The following DNAH14 variants were observed in gnomAD, a reference collection of about 807,000 sequenced individuals.
The protein encoded by DNAH14 is dynein axonemal heavy chain 14, also known as axonemal beta dynein heavy chain 14.
Under a neutral mutation model 520.9 loss-of-function variants are expected in DNAH14, and 478 were observed. The ratio of observed to expected loss-of-function variants is 0.92; its 90% CI spans 0.85 to 0.99. DNAH14 has a LOEUF of 0.99. DNAH14 is among the 50% of genes least tolerant of loss of function. The pLI is 0.00. For missense variants in DNAH14, 4,831 were observed against 5,234.5 expected (o/e 0.92, Z 2.38); for synonymous variants, 1,581 against 1,757.2 (o/e 0.90, Z 2.51).
At chr1:224,992,966 C>T (rs188854567) in intron 8 of DNAH14, among the ~76,000 whole-genome samples, 47 of 152,052 alleles carry the variant, frequency 3.1e-4, no homozygotes, top group Admixed American at 2.2e-3. Flanking sequence ...GATGATCATA[C>T]GATTTTTGTC....
At chr1:225,298,240 T>C (rs1011450996) in intron 55 of DNAH14, among the ~76,000 whole-genome samples, 62 of 151,750 alleles carry the variant, frequency 4.1e-4, no homozygotes, top group African/African-American at 1.4e-3. Flanking sequence ...GACCTGACTG[T>C]GGGCACAGAG....
At chr1:225,181,703 GA>G (rs2084025071) in intron 36 of DNAH14, among the ~76,000 whole-genome samples, 1 of 151,912 alleles carries the variant, frequency 6.6e-6, no homozygotes, top group African/African-American at 2.4e-5. Context: ...TTTGCTTGTT[GA>G]ATTCTTTAAG....
At chr1:225,339,791 G>A (rs1259845951) in intron 68 of DNAH14, among the ~76,000 whole-genome samples, 1 of 152,142 alleles carries the variant, frequency 6.6e-6, no homozygotes, top group African/African-American at 2.4e-5. Flanking sequence ...AAAGTGGAAT[G>A]AAGTATTGTC....
chr1:225,380,936 G>T lies in DNAH14; in HGVS notation c.12881-447G>T, dbSNP rs908534648. 2.0e-5 allele frequency among the ~76,000 whole-genome samples: 3 copies of T among 152,160 alleles called. No homozygotes were observed. In the East Asian group the frequency reaches 5.8e-4, roughly 29 times the overall value. ...CTCAATCAAAGGTCAGCAAATTAGG[G>T]CTCGCAGGCCAAATCCAGCCCACCA... is the stretch of plus-strand genomic sequence containing the variant. On this transcript the variant is annotated intron_variant, in intron 80 of 85. Coordinates refer to ENST00000682510, the MANE Select transcript of DNAH14 (RefSeq NM_001367479.1).
In DNAH14 at chr1:225,272,971, T is replaced by C. The variant is rs1337087609; in HGVS notation, c.7856T>C (p.Leu2619Pro). Residue 2619 changes from leucine (L) to proline (P), a missense_variant, in exon 52 of 86, where the codon CTG becomes CCG. Leu to Pro is a moderately conservative substitution (Grantham distance 98, BLOSUM62 -3). Transcript: ENST00000682510. The part of the protein sequence containing the change: ...RDMFKLLLGL[L>P]QADRTVVNSK... ...CCCTAACAGCTTCTCCTAGGATTGC[T>C]GCAAGCTGACAGGACTGTTGTTAAC... is the stretch of plus-strand genomic sequence containing the variant. 6.5e-7 allele frequency: 1 copy of C among 1,538,294 alleles called. No individual in the cohort carries two copies. The highest frequency in any genetic ancestry group is 8.7e-7 in the Non-Finnish European group (1 of 1,143,620).
At chr1:225,177,435 A>C (rs758255220) in intron 36 of DNAH14, among the ~76,000 whole-genome samples, 12 of 152,232 alleles carry the variant, frequency 7.9e-5, no homozygotes, top group Non-Finnish European at 1.6e-4. Context: ...AGAAATTTGC[A>C]TAAGTAATGA....
At chr1:225,229,279 A>G (rs1244736214) in intron 41 of DNAH14, among the ~76,000 whole-genome samples, 1 of 152,058 alleles carries the variant, frequency 6.6e-6, no homozygotes, top group African/African-American at 2.4e-5. Flanking sequence ...GCAATGCTGG[A>G]GAGGATGTGG....
At chr1:225,125,475 A>G (rs1481260097) in intron 27 of DNAH14, among the ~76,000 whole-genome samples, 1 of 152,206 alleles carries the variant, frequency 6.6e-6, no homozygotes, top group African/African-American at 2.4e-5. Context: ...TTGCACTTTT[A>G]CATTACTGAG....
chr1:225,051,681 C>G lies in DNAH14; in HGVS notation c.2310C>G (p.Asn770Lys). Residue 770 changes from asparagine to lysine, a missense_variant, in exon 17 of 86, where the codon AAC becomes AAG. Transcript: ENST00000682510. ...MAIEKRIGIF[N>K]VVSLDYQSEC... The stretch of plus-strand genomic sequence containing the variant: ...TTGAGAAGCGTATTGGTATTTTCAA[C>G]GTTGTAAGTCTTGATTATCAATCAG... 6.4e-7 allele frequency: 1 copy of G among 1,550,864 alleles called. No homozygotes were observed. The highest frequency in any genetic ancestry group is 1.2e-5 in the South Asian group (1 of 83,998).
chr1:224,940,348 G>A (rs944274500), intron 1 of DNAH14, among the ~76,000 whole-genome samples: 3 of 152,162 alleles, frequency 2.0e-5, no homozygotes, highest in African/African-American at 7.2e-5. Context: ...TTTAAAAAGA[G>A]GAGAAATAGA....
At chr1:225,255,883 A>G (rs1221032643) in intron 44 of DNAH14, among the ~76,000 whole-genome samples, 1 of 152,200 alleles carries the variant, frequency 6.6e-6, no homozygotes, top group Non-Finnish European at 1.5e-5. Flanking sequence ...ACACAATTTG[A>G]AAAAGAACCA....
chr1:225,079,294 T>G lies in DNAH14; in HGVS notation c.2512T>G (p.Ser838Ala). 1 of 1,549,504 alleles carries G rather than the reference T, an allele frequency of 6.5e-7. No individual in the cohort carries two copies. The highest frequency in any genetic ancestry group is 8.7e-7 in the Non-Finnish European group (1 of 1,146,474). ...LEHFIFLNAI[S>A]SKISKLEKEF... The stretch of plus-strand genomic sequence containing the variant: ...GCATTTTATTTTTTTGAATGCAATT[T>G]CCTCAAAAATATCTAAATTAGAAAA... Residue 838 changes from serine (S) to alanine (A), a missense_variant, in exon 18 of 86, where the codon TCC (serine) becomes GCC (alanine). Coordinates refer to ENST00000682510, the MANE Select transcript of DNAH14 (RefSeq NM_001367479.1).
Position 224,952,775 on chromosome 1 carries a change from C to T in DNAH14, c.73C>T (p.Pro25Ser). 6.3e-7 allele frequency: 1 copy of T among 1,592,580 alleles called. No homozygotes were observed. Among genetic ancestry groups the T allele is most frequent in the Non-Finnish European group, 8.6e-7 (1 of 1,168,618 alleles). The stretch of plus-strand genomic sequence containing the variant: ...GGACAAGGAGGAAACCAAGACAAAA[C>T]CAAGGTAAAAGTAAGATAAAATATA... ...EMDKEETKTK[P>S]RLLRYEEKKY... The change falls in exon 2 of 86, where the codon CCA (proline) becomes TCA (serine). Residue 25 changes from proline to serine, a missense_variant. Physicochemically the swap from Pro to Ser is moderately conservative, Grantham distance 74. Transcript: ENST00000682510.
At chr1:225,317,644 G>C (rs981787157) in intron 60 of DNAH14, among the ~76,000 whole-genome samples, 6 of 152,000 alleles carry the variant, frequency 3.9e-5, no homozygotes, top group Non-Finnish European at 5.9e-5. Flanking sequence ...AGTATAGCAG[G>C]TTTAGAATAG....
At chr1:225,366,140 T>C (rs1185781569) in intron 76 of DNAH14, among the ~76,000 whole-genome samples, 2 of 152,212 alleles carry the variant, frequency 1.3e-5, no homozygotes, top group Non-Finnish European at 1.5e-5. Flanking sequence ...AAAACTGCAT[T>C]AAATTGGCTA....
chr1:225,033,521 A>G (rs968363901), intron 11 of DNAH14, among the ~76,000 whole-genome samples: 1 of 152,144 alleles, frequency 6.6e-6, no homozygotes, highest in Admixed American at 6.6e-5. Flanking sequence ...CGGTTCTTCC[A>G]GCTTTATTCT....
At chr1:224,969,745 CT>C in intron 7 of DNAH14, 1 of 199,232 alleles carries the variant, frequency 5.0e-6, no homozygotes, top group Non-Finnish European at 9.9e-6. Flanking sequence ...TTTATAATTT[CT>C]TACACCTGTC....
At chr1:224,988,050 C>T (rs576173516) in intron 8 of DNAH14, among the ~76,000 whole-genome samples, 1 of 151,448 alleles carries the variant, frequency 6.6e-6, no homozygotes, top group Admixed American at 6.6e-5. Flanking sequence ...AATGCTCTCC[C>T]TCCCCCACCT....
intron 39 of DNAH14, among the ~76,000 whole-genome samples, 195 bp downstream of exon 39, chr1:225,204,468 T>TAA (rs1189344307): frequency 6.6e-6 from 1 of 152,206 alleles, no homozygotes; most frequent in Non-Finnish European, 1.5e-5. Flanking sequence ...CATATATATA[T>TAA]AATTACATTA....
Sources: allele counts gnomAD v4.1 joint callset (sites outside exome capture counted in the v4.1 genomes callset), GRCh38; gene constraint gnomAD v4.1.1; transcripts MANE v1.5; gene names NCBI Gene and HGNC (gene_info 2026-07-23, HGNC 2026-07-21).